WWP2: variants seen among roughly 807,000 people sequenced by gnomAD.
WWP2 encodes NEDD4-like E3 ubiquitin-protein ligase WWP2.
In WWP2, 57 loss-of-function variants were observed where a neutral mutation model predicts 121.0. That is an observed-to-expected ratio of 0.47 (90% CI 0.38 to 0.59). The LOEUF (loss-of-function observed/expected upper bound fraction) is 0.59, where lower values mean the gene tolerates loss of function less well. Ranked by LOEUF, WWP2 falls within the 20% of genes least tolerant of loss-of-function variation. The pLI, the probability that WWP2 is intolerant of heterozygous loss-of-function variation, is 0.00. For missense variants in WWP2, 962 were observed against 1,158.9 expected (o/e 0.83, Z 2.47); for synonymous variants, 449 against 441.3 (o/e 1.02, Z -0.22).
chr16:69,939,102 G>A lies in WWP2; in HGVS notation c.2419G>A (p.Gly807Arg), dbSNP rs763322178. The A allele has an allele frequency of 5.6e-6, 9 of 1,603,334 alleles. No homozygotes were observed. The highest frequency in any genetic ancestry group is 4.5e-5 in the East Asian group (2 of 44,492). Residue 807 changes from glycine (G) to arginine (R), a missense_variant, in exon 22 of 24, where the codon GGG becomes AGG. This residue lies in a region of WWP2 where 606 missense variants were observed against 772.6 expected (regional missense o/e 0.78). Coordinates refer to ENST00000359154, the MANE Select transcript of WWP2 (RefSeq NM_001270454.2). ...FVTGTCRLPV[G>R]GFAELIGSNG... ...CACCGGTACCTGCCGCCTGCCCGTC[G>A]GGGGATTTGCCGAACTCATCGGTAT...
chr16:69,783,805 A>ACAACAACAAC (rs1555545039), intron 1 of WWP2, among the ~76,000 whole-genome samples: 1 of 151,662 alleles, frequency 6.6e-6, no homozygotes, highest in African/African-American at 2.4e-5. Context: ...AACAACAACA[A>ACAACAACAAC]AATATTAGAG....
At chr16:69,778,367 C>T (rs2055586516) in intron 1 of WWP2, among the ~76,000 whole-genome samples, 1 of 151,898 alleles carries the variant, frequency 6.6e-6, no homozygotes, top group Non-Finnish European at 1.5e-5. Flanking sequence ...CCTCTTCCAG[C>T]AAAGCTTATG....
intron 8 of WWP2, among the ~76,000 whole-genome samples, chr16:69,896,766 G>A (rs1265719230): frequency 6.7e-6 from 1 of 149,094 alleles, no homozygotes; most frequent in East Asian, 2.0e-4. Flanking sequence ...CAGCTACCAT[G>A]TATTCTAAGT....
chr16:69,850,259 C>T (rs896427899), intron 6 of WWP2, among the ~76,000 whole-genome samples: 8 of 151,686 alleles, frequency 5.3e-5, no homozygotes, highest in South Asian at 2.1e-4. Flanking sequence ...TGGTGGTGTG[C>T]GCCTGTAGTC....
intron 6 of WWP2, among the ~76,000 whole-genome samples, chr16:69,846,026 G>A (rs1044444063): frequency 1.3e-4 from 14 of 104,808 alleles, no homozygotes; most frequent in African/African-American, 4.3e-4. Context: ...CTCCAGCCTG[G>A]GTGACAGAGC....
chr16:69,817,427 T>C (rs536776345), intron 4 of WWP2, among the ~76,000 whole-genome samples: 1 of 152,014 alleles, frequency 6.6e-6, no homozygotes, highest in Non-Finnish European at 1.5e-5. Context: ...TTTTGTATTT[T>C]TAGTAGAGAC....
At chr16:69,846,049 C>CAAAAAAAAA (rs57201672) in intron 6 of WWP2, among the ~76,000 whole-genome samples, 1,220 of 45,548 alleles carry the variant, frequency 0.027, 196 homozygotes, top group Non-Finnish European at 0.035. Context: ...GACTCCATCT[C>CAAAAAAAAA]AAAAAAAAAA....
intron 1 of WWP2, chr16:69,786,012 T>C (rs998262673): frequency 6.6e-6 from 1 of 151,740 alleles, no homozygotes; most frequent in East Asian, 1.9e-4. Flanking sequence ...CAAGGATTAC[T>C]GTCAGATTCT....
intron 21 of WWP2, among the ~76,000 whole-genome samples, chr16:69,938,445 C>G (rs2058832422): frequency 6.6e-6 from 1 of 152,216 alleles, no homozygotes; most frequent in Non-Finnish European, 1.5e-5. Flanking sequence ...TAGTGAAACC[C>G]TCTTTCTACT....
intron 9 of WWP2, among the ~76,000 whole-genome samples, chr16:69,915,332 G>A (rs1212266630): frequency 2.6e-5 from 4 of 152,228 alleles, no homozygotes; most frequent in Non-Finnish European, 5.9e-5. Context: ...GGAGGAGATA[G>A]TTGAGGGATG....
chr16:69,904,570 T>C (rs2058258074), intron 8 of WWP2, among the ~76,000 whole-genome samples: 1 of 152,036 alleles, frequency 6.6e-6, no homozygotes, highest in African/African-American at 2.4e-5. Flanking sequence ...GGGATCTTGC[T>C]ATGTTGCCCA....
rs552455556 is a variant in WWP2 at position 69,791,810 on chromosome 16, G to A, written c.70+4730G>A. On this transcript the variant is annotated intron_variant, in intron 2 of 23. Coordinates refer to ENST00000359154, the MANE Select transcript of WWP2 (RefSeq NM_001270454.2). ...GCTGGGATTACAGGTGTGAGCCACC[G>A]TGCCTGGCCCCCACCTCGGCCTCTT... Among the ~76,000 whole-genome samples the A allele has an allele frequency of 9.2e-5, 14 of 151,852 alleles. 1 individual carries two copies. Among genetic ancestry groups the A allele is most frequent in the African/African-American group, 2.2e-4 (9 of 41,392 alleles).
At chr16:69,815,397 T>C (rs1431933910) in intron 4 of WWP2, among the ~76,000 whole-genome samples, 1 of 151,824 alleles carries the variant, frequency 6.6e-6, no homozygotes, top group African/African-American at 2.4e-5. Flanking sequence ...AACCTTGAAC[T>C]CCTGGCCCTA....
chr16:69,844,865 C>T (rs1597041670), intron 6 of WWP2, among the ~76,000 whole-genome samples: 1 of 152,236 alleles, frequency 6.6e-6, no homozygotes, highest in African/African-American at 2.4e-5. Flanking sequence ...TCTGCACTCA[C>T]ATGGAACCTG....
chr16:69,782,086 C>A (rs1184670312), intron 1 of WWP2, among the ~76,000 whole-genome samples: 1 of 152,102 alleles, frequency 6.6e-6, no homozygotes, highest in Non-Finnish European at 1.5e-5. Context: ...AGTTCGAGAC[C>A]AGCTTGGCCA....
chr16:69,939,333 G>C lies in WWP2; in HGVS notation c.2441-8G>C, dbSNP rs1411152067. The C allele has an allele frequency of 6.2e-7, 1 of 1,614,158 alleles. No individual in the cohort carries two copies. The highest frequency in any genetic ancestry group is 1.7e-5 in the Admixed American group (1 of 60,008). ...GCTGACGTCGGCGTGTTTTACCTTG[G>C]ATCACAGGTAGCAACGGACCACAGA... On this transcript the variant is annotated splice_region_variant and splice_polypyrimidine_tract_variant and intron_variant, in intron 22 of 23. Transcript: ENST00000359154.
intron 9 of WWP2, among the ~76,000 whole-genome samples, chr16:69,913,111 A>G (rs1345056392): frequency 7.2e-6 from 1 of 138,296 alleles, no homozygotes; most frequent in Non-Finnish European, 1.5e-5. Flanking sequence ...TGCAACCTCC[A>G]CCTCCCAGGT....
rs747991829 is a variant in WWP2, at chr16:69,935,965, A to T, written c.1955A>T (p.Tyr652Phe). 6.2e-7 allele frequency: 1 copy of T among 1,614,064 alleles called. No individual in the cohort carries two copies. The highest frequency in any genetic ancestry group is 8.5e-7 in the Non-Finnish European group (1 of 1,180,004). ...CTGGAGTCCATTGACCCTGAGTTCT[A>T]CAACTCCATTGTCTGGATCAAGTGA... ...KDLESIDPEF[Y>F]NSIVWIKENN... Residue 652 changes from tyrosine (Y) to phenylalanine (F), a missense_variant, in exon 18 of 24, where the codon TAC becomes TTC. Physicochemically the swap from Tyr to Phe is conservative, Grantham distance 22. Transcript: ENST00000359154. The surrounding 1 kb of genome is among the most constrained non-coding windows in gnomAD (Gnocchi z 5.2).
chr16:69,774,929 A>G (rs1302654095), intron 1 of WWP2: 2 of 151,292 alleles, frequency 1.3e-5, no homozygotes, highest in South Asian at 2.1e-4. Flanking sequence ...AGATCACGCC[A>G]CAGCACTCCA....
Sources: gnomAD v4.1 joint callset for allele counts (sites outside exome capture counted in the v4.1 genomes callset) on GRCh38, gnomAD v4.1.1 for gene constraint, gnomAD v4.1.1 regional missense constraint, Gnocchi (gnomAD v3.1) non-coding constraint, MANE v1.5 for transcripts, NCBI Gene and HGNC (gene_info 2026-07-23, HGNC 2026-07-21) for gene names.